Variants in ATP2A2 observed in about 807,000 individuals in gnomAD.
The protein encoded by ATP2A2 is sarcoplasmic/endoplasmic reticulum calcium ATPase 2.
Under a neutral mutation model 109.3 loss-of-function variants are expected in ATP2A2, and 14 were observed. The observed-to-expected ratio is 0.13, with a 90% CI of 0.08 to 0.20. The LOEUF (loss-of-function observed/expected upper bound fraction) is 0.20. ATP2A2 is among the 10% of genes least tolerant of loss of function. ATP2A2 has a pLI of 1.00. For synonymous variants in ATP2A2, 506 were observed against 490.9 expected (o/e 1.03, Z -0.41); for missense variants, 657 against 1,321.6 (o/e 0.50, Z 7.80).
intron 8 of ATP2A2, among the ~76,000 whole-genome samples, chr12:110,329,192 A>G (rs1878096453): frequency 6.6e-6 from 1 of 152,222 alleles, no homozygotes; most frequent in Non-Finnish European, 1.5e-5. Context: ...GTAATATTAT[A>G]AATGATATGT....
At chr12:110,312,596 T>C (rs540131760) in intron 5 of ATP2A2, among the ~76,000 whole-genome samples, 2 of 152,004 alleles carry the variant, frequency 1.3e-5, no homozygotes, top group Admixed American at 6.6e-5. Flanking sequence ...ATGCCTGTAA[T>C]CCCAGCAATT....
In ATP2A2 at chr12:110,340,709, C is replaced by G. The variant is rs774721089; in HGVS notation, c.1812C>G (p.Ile604Met). The G allele has an allele frequency of 3.1e-6, 5 of 1,614,096 alleles. No individual in the cohort carries two copies. In the East Asian group the frequency reaches 1.1e-4, roughly 36 times the overall value. ...GCVGMLDPPR[I>M]EVASSVKLCR... ...TGGGCATGCTGGATCCTCCGAGAAT[C>G]GAGGTGGCCTCCTCCGTGAAGCTGT... Residue 604 changes from isoleucine (I) to methionine (M), a missense_variant, in exon 14 of 20, where the codon ATC (isoleucine) becomes ATG (methionine). By Grantham distance (10) the Ile-to-Met change is conservative. This residue lies in a region of ATP2A2 where 180 missense variants were observed against 329.1 expected (regional missense o/e 0.55). Transcript: ENST00000539276. This position sits in a 1 kb window ranked among gnomAD's most constrained non-coding sequence, Gnocchi z 6.0.
intron 11 of ATP2A2, among the ~76,000 whole-genome samples, chr12:110,334,586 CTTTTTTTTTT>C (rs67776124): frequency 5.2e-5 from 6 of 114,500 alleles, no homozygotes; most frequent in East Asian, 2.5e-4. Context: ...TCAATTAAAC[CTTTTTTTTTT>C]TTTTTTTTTT....
chr12:110,303,453 C>G (rs541865780), intron 5 of ATP2A2, among the ~76,000 whole-genome samples: 1 of 152,072 alleles, frequency 6.6e-6, no homozygotes, highest in Non-Finnish European at 1.5e-5. Context: ...GCTCTGTTGC[C>G]AGGCTGGAGT....
chr12:110,282,386 A>AT (rs1330591427), intron 1 of ATP2A2, among the ~76,000 whole-genome samples: 2 of 152,198 alleles, frequency 1.3e-5, no homozygotes, highest in African/African-American at 4.8e-5. Flanking sequence ...ACCTCAGGCC[A>AT]TTGATTACAA....
rs1274534008 is a variant in ATP2A2, at chr12:110,332,681, G to A, written c.1180G>A (p.Glu394Lys). ...TGGATCAACTTATGCACCTATTGGA[G>A]AAGTGTGAGTAACCCTCCTCCTCAT... ...ITGSTYAPIG[E>K]VHKDDKPVNC... is the part of the protein sequence containing the mutation. Residue 394 changes from glutamate to lysine, a missense_variant, in exon 9 of 20, where the codon GAA becomes AAA. Physicochemically the swap from Glu to Lys is moderately conservative, Grantham distance 56. Around this residue, in one of 9 missense-constraint regions of ATP2A2, gnomAD observed 46 missense variants for 62.0 expected, o/e 0.74. Transcript: ENST00000539276. 6.2e-7 allele frequency: 1 copy of A among 1,607,226 alleles called. No homozygotes were observed. The highest frequency in any genetic ancestry group is 1.7e-5 in the Admixed American group (1 of 60,022).
Position 110,350,302 on chromosome 12 carries a change from G to GTAAC in ATP2A2, c.*3833_*3836dup, listed in dbSNP as rs1342383308. On this transcript the variant is annotated 3_prime_UTR_variant, in exon 20 of 20. Coordinates refer to ENST00000539276, the MANE Select transcript of ATP2A2 (RefSeq NM_170665.4). ...CTCTTTCCTTTTCAGCAATACTGGA[G>GTAAC]TAACCGCTTCCTAAACCATTTTGCA... 6.2e-7 allele frequency: 1 copy of GTAAC among 1,614,178 alleles called. No homozygotes were observed. Among genetic ancestry groups the GTAAC allele is most frequent in the Non-Finnish European group, 8.5e-7 (1 of 1,180,038 alleles).
In ATP2A2 at chr12:110,327,578, C is replaced by G. The variant is rs757243926; in HGVS notation, c.656C>G (p.Ala219Gly). 1 of 1,613,996 alleles carries G rather than the reference C, an allele frequency of 6.2e-7. No homozygotes were observed. The highest frequency in any genetic ancestry group is 1.7e-5 in the Admixed American group (1 of 59,994). ...FSGTNIAAGKAMGVVVATGVN... is the reference protein window; with the variant it reads ...FSGTNIAAGKGMGVVVATGVN... ...GGTACAAACATTGCTGCTGGGAAAG[C>G]TATGGGAGTGGTGGTAGCAACTGGA... The change falls in exon 8 of 20, where the codon GCT (alanine) becomes GGT (glycine). Residue 219 changes from alanine to glycine, a missense_variant. This residue lies in a region of ATP2A2 where 136 missense variants were observed against 343.9 expected (regional missense o/e 0.40). Transcript: ENST00000539276. The surrounding 1 kb of genome is among the most constrained non-coding windows in gnomAD (Gnocchi z 4.4).
rs1046373777 is a variant in ATP2A2, at chr12:110,333,038, G to A, written c.1185-143G>A. The A allele has an allele frequency of 6.9e-5, 53 of 763,718 alleles. 1 individual carries two copies. In the East Asian group the frequency reaches 1.3e-3, roughly 19 times the overall value. 47.3% of individuals were successfully genotyped at this position (763,718 alleles called of 1,614,324 possible). A position where few individuals can be genotyped will look rare whatever the true frequency, so the allele number is the denominator to read the frequency against. On this transcript the variant is annotated intron_variant, in intron 9 of 19. Coordinates refer to ENST00000539276, the MANE Select transcript of ATP2A2 (RefSeq NM_170665.4). ...TTGTTTTTGTCTAATATTGGCTCTG[G>A]CATCAAATTGTTTGGAATTTTTTCC...
At position 110,340,840 on chromosome 12, in the gene ATP2A2, C is replaced by A. The variant is rs776014338; in HGVS notation, c.1943C>A (p.Thr648Lys). The change falls in exon 14 of 20, where the codon ACG (threonine) becomes AAG (lysine). Residue 648 changes from threonine to lysine, a missense_variant. Coordinates refer to ENST00000539276, the MANE Select transcript of ATP2A2 (RefSeq NM_170665.4). This position sits in a 1 kb window ranked among gnomAD's most constrained non-coding sequence, Gnocchi z 6.0. ...IGIFGQDEDV[T>K]SKAFTGREFD... ...ATCTTCGGGCAGGATGAGGACGTGA[C>A]GTCAAAAGCTTTCACAGGCCGGGAG... 4 of 1,614,224 alleles carry A rather than the reference C, an allele frequency of 2.5e-6. No individual in the cohort carries two copies. In the South Asian group the frequency reaches 4.4e-5, roughly 18 times the overall value.
intron 5 of ATP2A2, among the ~76,000 whole-genome samples, chr12:110,313,374 A>C (rs1876312134): frequency 7.2e-6 from 1 of 138,966 alleles, no homozygotes; most frequent in South Asian, 2.2e-4. Flanking sequence ...GTGCAGTGGA[A>C]TGATCTCGGC....
At chr12:110,329,213 ACTGTGTTGTTTAGGGATAGTTAAC>A (rs1878099175) in intron 8 of ATP2A2, among the ~76,000 whole-genome samples, 1 of 152,174 alleles carries the variant, frequency 6.6e-6, no homozygotes, top group Admixed American at 6.5e-5. Flanking sequence ...AAATAGTTAA[ACTGTGTTGTTTAGGGATAGTTAAC>A]CTGTGTTGTT....
intron 4 of ATP2A2, among the ~76,000 whole-genome samples, chr12:110,293,729 G>A (rs867324449): frequency 2.2e-4 from 34 of 151,540 alleles, no homozygotes; most frequent in Middle Eastern, 3.4e-3. Flanking sequence ...TGTTGAAATT[G>A]TAAACTTCTA....
rs996680032 is a variant in ATP2A2, at chr12:110,349,354, T to C, written c.*2884T>C. The C allele has an allele frequency of 2.0e-6, 2 of 985,386 alleles. No individual in the cohort carries two copies. The highest frequency in any genetic ancestry group is 3.5e-5 in the African/African-American group (2 of 57,248). 61.0% of individuals were successfully genotyped at this position (985,386 alleles called of 1,614,324 possible). On this transcript the variant is annotated 3_prime_UTR_variant, in exon 20 of 20. Transcript: ENST00000539276. ...TTGCCTGAAACTTACTTCCACATTC[T>C]TTCCTGATGGGCAGGTGGCTGAAGG...
intron 5 of ATP2A2, among the ~76,000 whole-genome samples, chr12:110,300,545 A>G (rs888653095): frequency 6.7e-6 from 1 of 149,636 alleles, no homozygotes; most frequent in Non-Finnish European, 1.5e-5. Context: ...TAGTAGAGAC[A>G]GGGTTTCACT....
chr12:110,289,424 T>C (rs535183434), intron 3 of ATP2A2, among the ~76,000 whole-genome samples: 1 of 152,352 alleles, frequency 6.6e-6, no homozygotes, highest in South Asian at 2.1e-4. Context: ...ATTCCTGGCC[T>C]TAACACTAGA....
intron 5 of ATP2A2, among the ~76,000 whole-genome samples, chr12:110,315,893 C>T (rs1207073658): frequency 6.6e-6 from 1 of 152,150 alleles, no homozygotes; most frequent in Non-Finnish European, 1.5e-5. Flanking sequence ...GAGCTGAGAT[C>T]ACGCCACTGT....
At chr12:110,310,508 G>C (rs1875911742) in intron 5 of ATP2A2, among the ~76,000 whole-genome samples, 1 of 152,114 alleles carries the variant, frequency 6.6e-6, no homozygotes, top group Non-Finnish European at 1.5e-5. Context: ...ACTGTTTTCA[G>C]GGTTGTTTAA....
At chr12:110,321,011 G>A (rs1217909143) in intron 5 of ATP2A2, among the ~76,000 whole-genome samples, 2 of 152,200 alleles carry the variant, frequency 1.3e-5, no homozygotes, top group South Asian at 2.1e-4. Flanking sequence ...GTGGATGCCT[G>A]AGGTCAGGAG....
Sources: allele counts gnomAD v4.1 joint callset (sites outside exome capture counted in the v4.1 genomes callset), GRCh38; gene constraint gnomAD v4.1.1; regional missense constraint gnomAD v4.1.1; non-coding constraint Gnocchi (gnomAD v3.1); transcripts MANE v1.5; gene names NCBI Gene and HGNC (gene_info 2026-07-23, HGNC 2026-07-21).